The following ADGRB1 variants were observed in gnomAD, a reference collection of about 807,000 sequenced individuals.
ADGRB1 encodes brain-specific angiogenesis inhibitor 1.
Under a neutral mutation model 175.7 loss-of-function variants are expected in ADGRB1, and 36 were observed. That is an observed-to-expected ratio of 0.20 (90% CI 0.16 to 0.27). The LOEUF is 0.27. Ranked by LOEUF, ADGRB1 falls within the 10% of genes least tolerant of loss-of-function variation. The pLI, the probability that ADGRB1 is intolerant of heterozygous loss-of-function variation, is 1.00. For missense variants in ADGRB1, 1,731 were observed against 2,255.3 expected (o/e 0.77, Z 4.71); for synonymous variants, 1,054 against 979.4 (o/e 1.08, Z -1.42).
intron 22 of ADGRB1, among the ~76,000 whole-genome samples, chr8:142,523,365 C>T (rs566192067): frequency 2.7e-5 from 4 of 149,772 alleles, no homozygotes; most frequent in Non-Finnish European, 4.4e-5. Flanking sequence ...CAGTGGGGAG[C>T]GCGAGGCAGG....
At chr8:142,479,992 C>T (rs560142241) in intron 9 of ADGRB1, among the ~76,000 whole-genome samples, 198 bp downstream of exon 9, 15 of 152,326 alleles carry the variant, frequency 9.8e-5, no homozygotes, top group South Asian at 2.1e-4. Context: ...TCTGAGCACT[C>T]GCTAGGGGCT....
intron 2 of ADGRB1, among the ~76,000 whole-genome samples, chr8:142,466,460 C>T (rs1049869733): frequency 2.6e-5 from 4 of 152,206 alleles, no homozygotes; most frequent in Non-Finnish European, 4.4e-5. Context: ...GAGGGACAGG[C>T]GTGAGGCTTG....
At chr8:142,466,418 C>T (rs1458475171) in intron 2 of ADGRB1, among the ~76,000 whole-genome samples, 4 of 152,196 alleles carry the variant, frequency 2.6e-5, no homozygotes, top group East Asian at 1.9e-4. Flanking sequence ...TCTGTGAGGC[C>T]GTGAGTGGGG....
chr8:142,525,352 C>A (rs1440518885), intron 23 of ADGRB1, among the ~76,000 whole-genome samples: 1 of 150,724 alleles, frequency 6.6e-6, no homozygotes, highest in African/African-American at 2.4e-5. Context: ...GGGACAGAGA[C>A]AGGAGTCCCA....
intron 13 of ADGRB1, among the ~76,000 whole-genome samples, chr8:142,486,252 G>A (rs529012157): frequency 6.1e-4 from 93 of 152,232 alleles, no homozygotes; most frequent in Non-Finnish European, 1.0e-3. Context: ...CAGCAAGAGC[G>A]GCTTCCCATC....
At chr8:142,527,099 C>G (rs2132169827) in intron 24 of ADGRB1, among the ~76,000 whole-genome samples, 1 of 152,302 alleles carries the variant, frequency 6.6e-6, no homozygotes, top group East Asian at 1.9e-4. Context: ...GCTGATGTTC[C>G]TCCCTCCGGG....
intron 17 of ADGRB1, 124 bp downstream of exon 17, chr8:142,490,939 G>A (rs888139913): frequency 1.9e-5 from 24 of 1,273,686 alleles, no homozygotes; most frequent in Admixed American, 1.2e-4. Flanking sequence ...CTGTGTACCC[G>A]CATGGGCCTC....
At chr8:142,458,337 G>A (rs1029054213) in intron 1 of ADGRB1, among the ~76,000 whole-genome samples, 8 of 152,198 alleles carry the variant, frequency 5.3e-5, no homozygotes, top group Non-Finnish European at 1.2e-4. Flanking sequence ...TGGGGTGCGT[G>A]TGTGCAGTCT....
At chr8:142,495,809 T>C (rs1252926721) in intron 17 of ADGRB1, among the ~76,000 whole-genome samples, 1 of 151,732 alleles carries the variant, frequency 6.6e-6, no homozygotes, top group Non-Finnish European at 1.5e-5. Flanking sequence ...TGTTTCCAAA[T>C]AAAATCATAT....
chr8:142,451,092 G>A (rs1839324177), intron 1 of ADGRB1, among the ~76,000 whole-genome samples: 2 of 152,298 alleles, frequency 1.3e-5, no homozygotes, highest in South Asian at 2.1e-4. Flanking sequence ...ACCCGGCCAG[G>A]AGCCCTCTCC....
At chr8:142,536,803 C>G (rs1465920776) in intron 25 of ADGRB1, among the ~76,000 whole-genome samples, 184 bp from the exon 26 acceptor site, 1 of 152,052 alleles carries the variant, frequency 6.6e-6, no homozygotes, top group Admixed American at 6.5e-5. Flanking sequence ...GTCTCTTTTC[C>G]CCTTCTCCAC....
At chr8:142,475,085 A>C (rs1840879288) in intron 2 of ADGRB1, among the ~76,000 whole-genome samples, 3 of 152,160 alleles carry the variant, frequency 2.0e-5, no homozygotes, top group African/African-American at 7.2e-5. Flanking sequence ...AACTGGACGG[A>C]GCCTGGAGAG....
rs552928819 is a variant in ADGRB1, at chr8:142,492,942, G to A, written c.2675+2127G>A. Among the ~76,000 whole-genome samples the A allele has an allele frequency of 1.3e-5, 2 of 152,090 alleles. No homozygotes were observed. Among genetic ancestry groups the A allele is most frequent in the African/African-American group, 4.8e-5 (2 of 41,436 alleles). ...TCCGGGCTGTTCGCCGGCCGCGGCAGCTCTCGGGGGGCTGCGCCCTGGTTC... is the reference window on the plus strand; with the variant it reads ...TCCGGGCTGTTCGCCGGCCGCGGCAACTCTCGGGGGGCTGCGCCCTGGTTC... On this transcript the variant is annotated intron_variant, in intron 17 of 30. Transcript: ENST00000517894. The surrounding 1 kb of genome is among the most constrained non-coding windows in gnomAD (Gnocchi z 4.4).
chr8:142,461,527 G>A (rs757448708), intron 1 of ADGRB1, among the ~76,000 whole-genome samples: 5 of 152,166 alleles, frequency 3.3e-5, no homozygotes, highest in Admixed American at 6.5e-5. Context: ...TGGGATGACC[G>A]AGGCCCTAGA....
chr8:142,544,085 T>TCCTGTCC lies in ADGRB1; in HGVS notation c.4558-118_4558-112dup, dbSNP rs370788347. On this transcript the variant is annotated intron_variant, in intron 30 of 30. Transcript: ENST00000517894. ...CTGGGCTCTTGTCCTGAAAGCCTCA[T>TCCTGTCC]CCTGTCCCCTGTCCCCTGTCCCCCA... The TCCTGTCC allele has an allele frequency of 5.0e-3, 4,650 of 934,418 alleles. 137 individuals carry two copies. The African/African-American group carries it at 0.067, about 13-fold the overall frequency. The allele number at this position is 934,418 out of a possible 1,614,324, so 57.9% of individuals were successfully genotyped here. A position where few individuals can be genotyped will look rare whatever the true frequency, so the allele number is the denominator to read the frequency against.
chr8:142,501,897 A>C (rs1375005086), intron 17 of ADGRB1, among the ~76,000 whole-genome samples: 1 of 2,846 alleles, frequency 3.5e-4, no homozygotes, highest in Non-Finnish European at 6.3e-4. Context: ...GGTGAGGGTG[A>C]TGTGGTGGTG....
chr8:142,476,342 C>G (rs1287349486), intron 3 of ADGRB1, among the ~76,000 whole-genome samples: 1 of 152,146 alleles, frequency 6.6e-6, no homozygotes, highest in African/African-American at 2.4e-5. Flanking sequence ...CAGGTGAACG[C>G]TGGCCTGTGG....
At chr8:142,517,486 G>C (rs1211559195) in intron 18 of ADGRB1, among the ~76,000 whole-genome samples, 1 of 152,192 alleles carries the variant, frequency 6.6e-6, no homozygotes, top group Non-Finnish European at 1.5e-5. Flanking sequence ...CTAGAGGTGG[G>C]GATGCCTGGG....
At chr8:142,522,372 A>C (rs1208847265) in intron 21 of ADGRB1, among the ~76,000 whole-genome samples, 1 of 152,200 alleles carries the variant, frequency 6.6e-6, no homozygotes, top group Admixed American at 6.5e-5. Context: ...TTTGGGAGGT[A>C]CATTTACAAA....
Sources: gnomAD v4.1 joint callset for allele counts (sites outside exome capture counted in the v4.1 genomes callset) on GRCh38, gnomAD v4.1.1 for gene constraint, Gnocchi (gnomAD v3.1) non-coding constraint, MANE v1.5 for transcripts, NCBI Gene and HGNC (gene_info 2026-07-23, HGNC 2026-07-21) for gene names.